Variants in ARB2A observed in about 807,000 individuals in gnomAD.
ARB2A encodes the protein ARB2 cotranscriptional regulator A.
At chr5:93,945,822 G>C in the ARB2A span, among the ~76,000 whole-genome samples, 1 of 152,032 alleles carries the variant, frequency 6.6e-6, no homozygotes. Context: ...AAATAACAAT[G>C]AAACAAAATA....
chr5:93,842,428 T>C, the ARB2A span, among the ~76,000 whole-genome samples: 1 of 152,204 alleles, frequency 6.6e-6, no homozygotes, highest in Non-Finnish European at 1.5e-5. Flanking sequence ...ATACTTATGA[T>C]CTCAGTTCCA....
the ARB2A span, among the ~76,000 whole-genome samples, chr5:93,878,856 G>A: frequency 6.6e-6 from 1 of 151,996 alleles, no homozygotes; most frequent in Non-Finnish European, 1.5e-5. Context: ...AGAAAGAGGG[G>A]AAGAATCTAC....
the ARB2A span, among the ~76,000 whole-genome samples, chr5:93,755,524 C>T: frequency 6.6e-6 from 1 of 152,230 alleles, no homozygotes; most frequent in Non-Finnish European, 1.5e-5. Context: ...CGGACTGCTC[C>T]TGCAGGACCT....
chr5:93,651,139 C>CTT, the ARB2A span, among the ~76,000 whole-genome samples: 14 of 145,322 alleles, frequency 9.6e-5, no homozygotes, highest in African/African-American at 2.5e-4. Context: ...AAAGAACACT[C>CTT]TTTTTTTTTT....
chr5:94,022,111 T>G, the ARB2A span, among the ~76,000 whole-genome samples: 1 of 151,992 alleles, frequency 6.6e-6, no homozygotes, highest in Admixed American at 6.6e-5. Context: ...CAAAGGATGA[T>G]TAAAACCAAC....
the ARB2A span, among the ~76,000 whole-genome samples, chr5:93,697,519 ATTC>A: frequency 6.6e-6 from 1 of 152,190 alleles, no homozygotes. Context: ...CCCCAATGCA[ATTC>A]TTCTTTACTT....
chr5:93,827,412 T>C, the ARB2A span, among the ~76,000 whole-genome samples: 1 of 152,210 alleles, frequency 6.6e-6, no homozygotes, highest in African/African-American at 2.4e-5. Context: ...AAGTGTCTGT[T>C]CATATCCTTC....
chr5:93,757,906 A>G, the ARB2A span, among the ~76,000 whole-genome samples: 1 of 152,210 alleles, frequency 6.6e-6, no homozygotes, highest in Non-Finnish European at 1.5e-5. Context: ...CAATACTAAC[A>G]TTGAAAGTAA....
chr5:93,976,843 A>G, the ARB2A span, among the ~76,000 whole-genome samples: 14 of 152,302 alleles, frequency 9.2e-5, no homozygotes, highest in Admixed American at 3.3e-4. Flanking sequence ...ATATGATTCT[A>G]TATCTAGAAA....
At chr5:93,648,407 T>C in the ARB2A span, among the ~76,000 whole-genome samples, 3 of 152,292 alleles carry the variant, frequency 2.0e-5, no homozygotes, top group South Asian at 6.2e-4. Context: ...ACACCCATCC[T>C]TTATTTTATA....
the ARB2A span, among the ~76,000 whole-genome samples, chr5:93,955,737 T>C: frequency 6.6e-6 from 1 of 152,156 alleles, no homozygotes; most frequent in Non-Finnish European, 1.5e-5. Context: ...CTGAGAAATA[T>C]AAATAAACCC....
the ARB2A span, among the ~76,000 whole-genome samples, chr5:94,065,817 T>A: frequency 6.6e-6 from 1 of 152,178 alleles, no homozygotes; most frequent in Non-Finnish European, 1.5e-5. Flanking sequence ...ATTAGACAGA[T>A]CATCTAGGCA....
the ARB2A span, chr5:93,861,616 T>C: frequency 6.6e-6 from 1 of 152,082 alleles, no homozygotes; most frequent in Non-Finnish European, 1.5e-5. Flanking sequence ...TTCTTTAACG[T>C]CTCTGAAAAA....
At chr5:93,666,575 G>T in the ARB2A span, among the ~76,000 whole-genome samples, 1 of 151,482 alleles carries the variant, frequency 6.6e-6, no homozygotes, top group Non-Finnish European at 1.5e-5. Flanking sequence ...ACAGAGAAAA[G>T]GAGATTTATT....
chr5:94,014,975 T>C, the ARB2A span, among the ~76,000 whole-genome samples: 1 of 151,376 alleles, frequency 6.6e-6, no homozygotes, highest in African/African-American at 2.4e-5. Flanking sequence ...GTAGAAAGTT[T>C]ACTCAAAGAA....
chr5:94,007,336 C>T, the ARB2A span, among the ~76,000 whole-genome samples: 1 of 152,132 alleles, frequency 6.6e-6, no homozygotes, highest in Non-Finnish European at 1.5e-5. Context: ...AAAAATTTAA[C>T]ATTTGTGCCA....
At chr5:93,926,488 G>C in the ARB2A span, among the ~76,000 whole-genome samples, 1 of 151,808 alleles carries the variant, frequency 6.6e-6, no homozygotes, top group African/African-American at 2.4e-5. Flanking sequence ...GGCAAATGTG[G>C]CATACTTTAG....
At chr5:94,027,965 C>T in the ARB2A span, among the ~76,000 whole-genome samples, 1 of 152,126 alleles carries the variant, frequency 6.6e-6, no homozygotes, top group African/African-American at 2.4e-5. Context: ...GACCCCCCAG[C>T]TGGTGTCCAT....
chr5:93,738,490 T>C, the ARB2A span: 1 of 152,212 alleles, frequency 6.6e-6, no homozygotes, highest in Non-Finnish European at 1.5e-5. Flanking sequence ...AAATAGATTA[T>C]TATATGTAAA....
Sources: gnomAD v4.1 joint callset for allele counts (sites outside exome capture counted in the v4.1 genomes callset) on GRCh38, gnomAD v4.1.1 for gene constraint, MANE v1.5 for transcripts, NCBI Gene and HGNC (gene_info 2026-07-23, HGNC 2026-07-21) for gene names.